SEPHS1: variants seen among roughly 807,000 people sequenced by gnomAD.
SEPHS1 encodes the protein zincore component SEPHS1.
SEPHS1 carries 7 observed loss-of-function variants against 39.2 expected under a neutral mutation model. The ratio of observed to expected loss-of-function variants is 0.18; its 90% CI spans 0.10 to 0.34. The LOEUF (loss-of-function observed/expected upper bound fraction) is 0.34, where lower values mean the gene tolerates loss of function less well. SEPHS1 is among the 10% of genes least tolerant of loss of function. SEPHS1 has a pLI of 1.00. For synonymous variants in SEPHS1, 190 were observed against 195.5 expected (o/e 0.97, Z 0.23); for missense variants, 253 against 514.5 (o/e 0.49, Z 4.92).
chr10:13,330,943 G>A (rs555431607), intron 5 of SEPHS1, among the ~76,000 whole-genome samples: 7 of 151,884 alleles, frequency 4.6e-5, no homozygotes, highest in South Asian at 2.1e-4. Context: ...CCATCAACCC[G>A]TCCTTTACAT....
At chr10:13,329,023 G>T (rs1179459229) in intron 6 of SEPHS1, among the ~76,000 whole-genome samples, 1 of 152,180 alleles carries the variant, frequency 6.6e-6, no homozygotes, top group Non-Finnish European at 1.5e-5. Flanking sequence ...TCTTTCAACT[G>T]TTTCTCAGGA....
intron 8 of SEPHS1, among the ~76,000 whole-genome samples, chr10:13,321,607 T>C (rs1174597115): frequency 1.3e-5 from 2 of 150,594 alleles, no homozygotes; most frequent in East Asian, 1.9e-4. Context: ...GGAAAGGAAA[T>C]AGAAAAAGAG....
At chr10:13,336,512 T>C (rs1588544275) in intron 3 of SEPHS1, 162 bp from the exon 4 acceptor site, 14 of 651,078 alleles carry the variant, frequency 2.2e-5, no homozygotes, top group South Asian at 2.1e-4. Context: ...ACTGGCAACC[T>C]TTCCTGCATC....
intron 7 of SEPHS1, among the ~76,000 whole-genome samples, chr10:13,323,801 G>A (rs959415152): frequency 1.3e-5 from 2 of 151,118 alleles, no homozygotes; most frequent in African/African-American, 4.9e-5. Flanking sequence ...GAGTGCAGTG[G>A]CATGATCATA....
At chr10:13,346,346 A>G (rs1833920588) in intron 1 of SEPHS1, among the ~76,000 whole-genome samples, 1 of 152,226 alleles carries the variant, frequency 6.6e-6, no homozygotes, top group African/African-American at 2.4e-5. Flanking sequence ...ATTTATGATT[A>G]AGAACATAAT....
chr10:13,328,880 G>C (rs1166635863), intron 6 of SEPHS1, among the ~76,000 whole-genome samples: 1 of 152,236 alleles, frequency 6.6e-6, no homozygotes, highest in Non-Finnish European at 1.5e-5. Context: ...GTGGCCTTCT[G>C]CTCTGCTCCC....
At position 13,341,062 on chromosome 10, in the gene SEPHS1, C is replaced by T. The variant is rs140228033; in HGVS notation, c.194-2254G>A. 1.1e-3 allele frequency among the ~76,000 whole-genome samples: 160 copies of T among 152,120 alleles called. 1 individual carries two copies. Among genetic ancestry groups the T allele is most frequent in the East Asian group, 5.4e-3 (28 of 5,184 alleles). ...ATTAATTCCACCTGATTTTTGTTAT[C>T]GGGTTTTTAAAAATATTACTTTGAA... is the stretch of plus-strand genomic sequence containing the variant. On this transcript the variant is annotated intron_variant, in intron 2 of 8. Coordinates refer to ENST00000327347, the MANE Select transcript of SEPHS1 (RefSeq NM_012247.5).
intron 5 of SEPHS1, among the ~76,000 whole-genome samples, chr10:13,332,247 C>G (rs749353511): frequency 6.6e-6 from 1 of 152,310 alleles, no homozygotes; most frequent in East Asian, 1.9e-4. Context: ...GAAAACATTC[C>G]GCTATGGGAG....
chr10:13,339,646 A>G (rs1351961952), intron 2 of SEPHS1, among the ~76,000 whole-genome samples: 1 of 151,872 alleles, frequency 6.6e-6, no homozygotes, highest in East Asian at 1.9e-4. Context: ...TGGTTCCAGG[A>G]CTCCCACAGA....
Sources: allele counts gnomAD v4.1 joint callset (sites outside exome capture counted in the v4.1 genomes callset), GRCh38; gene constraint gnomAD v4.1.1; transcripts MANE v1.5; gene names NCBI Gene and HGNC (gene_info 2026-07-23, HGNC 2026-07-21).